TUFT1: variants seen among roughly 807,000 people sequenced by gnomAD.
The protein encoded by TUFT1 is tuftelin 1.
Under a neutral mutation model 57.8 loss-of-function variants are expected in TUFT1, and 43 were observed. That is an observed-to-expected ratio of 0.74 (90% CI 0.58 to 0.96). The LOEUF (loss-of-function observed/expected upper bound fraction) is 0.96. TUFT1 is among the 40% of genes least tolerant of loss of function. The pLI is 0.00. For synonymous variants in TUFT1, 166 were observed against 176.7 expected (o/e 0.94, Z 0.48); for missense variants, 459 against 489.0 (o/e 0.94, Z 0.58).
intron 1 of TUFT1, among the ~76,000 whole-genome samples, chr1:151,550,221 C>T (rs557808930): frequency 2.2e-4 from 34 of 151,784 alleles, no homozygotes; most frequent in African/African-American, 7.7e-4. Flanking sequence ...TTAGTAGAGA[C>T]GGGGTTTCAC....
intron 1 of TUFT1, among the ~76,000 whole-genome samples, chr1:151,554,699 T>C (rs1019791922): frequency 1.6e-5 from 2 of 125,950 alleles, no homozygotes; most frequent in Non-Finnish European, 1.7e-5. Context: ...GGCCCCCTTT[T>C]TTTTTTTTTT....
chr1:151,561,473 G>GCGCGCACACACACA (rs1265237275), intron 1 of TUFT1: 1 of 314,262 alleles, frequency 3.2e-6, no homozygotes, highest in African/African-American at 2.5e-5. Context: ...GCGCGCGCGC[G>GCGCGCACACACACA]CACACACACA....
intron 9 of TUFT1, 61 bp from the exon 10 acceptor site, chr1:151,578,660 T>C: frequency 2.1e-6 from 3 of 1,430,492 alleles, no homozygotes; most frequent in Non-Finnish European, 2.9e-6. Flanking sequence ...AGGCTCTTCC[T>C]GTGACTGGGT....
At position 151,566,246 on chromosome 1, in the gene TUFT1, C is replaced by T; in HGVS notation, c.480+18C>T. 1 of 1,606,128 alleles carries T rather than the reference C, an allele frequency of 6.2e-7. No homozygotes were observed. On this transcript the variant is annotated intron_variant, in intron 6 of 12. Coordinates refer to ENST00000368849, the MANE Select transcript of TUFT1 (RefSeq NM_020127.3). ...CACCTGAGGTAGGTAACAGAGGACA[C>T]CATGGTGGCTCCGCTTAGCCAGGGG...
At chr1:151,550,121 T>C (rs1665463713) in intron 1 of TUFT1, among the ~76,000 whole-genome samples, 1 of 152,150 alleles carries the variant, frequency 6.6e-6, no homozygotes, top group South Asian at 2.1e-4. Flanking sequence ...GGCCTCTGCC[T>C]CCCAGGTTCA....
At chr1:151,558,977 G>T (rs1286571538) in intron 1 of TUFT1, among the ~76,000 whole-genome samples, 6 of 151,972 alleles carry the variant, frequency 3.9e-5, no homozygotes, top group African/African-American at 1.5e-4. Flanking sequence ...TAGAGACGGG[G>T]TTTCACCATG....
rs538216210 is a variant in TUFT1 at position 151,545,139 on chromosome 1, C to T, written c.60+4713C>T. ...CAGCCTGACCAACATGGCAAAACCC[C>T]ATCTCTACTAAAAATACAAAATTAG... On this transcript the variant is annotated intron_variant, in intron 1 of 12. Transcript: ENST00000368849. 3.5e-3 allele frequency among the ~76,000 whole-genome samples: 535 copies of T among 152,086 alleles called. 5 individuals carry two copies. The highest frequency in any genetic ancestry group is 0.012 in the African/African-American group (510 of 41,470).
intron 6 of TUFT1, among the ~76,000 whole-genome samples, chr1:151,568,052 A>C (rs949658433): frequency 6.6e-6 from 1 of 152,204 alleles, no homozygotes; most frequent in African/African-American, 2.4e-5. Flanking sequence ...ATGTGAATAC[A>C]TTGTACAGTA....
intron 1 of TUFT1, among the ~76,000 whole-genome samples, chr1:151,548,316 T>C (rs1006509894): frequency 6.7e-6 from 1 of 150,060 alleles, no homozygotes; most frequent in African/African-American, 2.4e-5. Context: ...TTTTTTTTTT[T>C]TTTTTGAGAC....
At chr1:151,548,305 CTTTTTTT>C (rs11435666) in intron 1 of TUFT1, among the ~76,000 whole-genome samples, 74 of 130,560 alleles carry the variant, frequency 5.7e-4, no homozygotes, top group African/African-American at 2.1e-3. Flanking sequence ...TTTTTCTTTT[CTTTTTTT>C]TTTTTTTTTG....
Position 151,540,365 on chromosome 1 carries a change from A to G in TUFT1, c.-2A>G, listed in dbSNP as rs2102509784. The G allele has an allele frequency of 6.2e-7, 1 of 1,614,134 alleles. No individual in the cohort carries two copies. Among genetic ancestry groups the G allele is most frequent in the Non-Finnish European group, 8.5e-7 (1 of 1,179,980 alleles). ...GCGTGTGTGCTGCGACCCCGAGGGAAGATGAACGGGACGCGGAACTGGTGT... is the reference window on the plus strand; with the variant it reads ...GCGTGTGTGCTGCGACCCCGAGGGAGGATGAACGGGACGCGGAACTGGTGT... On this transcript the variant is annotated 5_prime_UTR_variant, in exon 1 of 13. Transcript: ENST00000368849.
At chr1:151,561,800 C>T in intron 1 of TUFT1, 1 of 1,408,390 alleles carries the variant, frequency 7.1e-7, no homozygotes, top group Non-Finnish European at 9.4e-7. Flanking sequence ...GCAATGTGTT[C>T]CCTGTAGTCC....
At position 151,544,177 on chromosome 1, in the gene TUFT1, C is replaced by T. The variant is rs115164681; in HGVS notation, c.60+3751C>T. On this transcript the variant is annotated intron_variant, in intron 1 of 12. Transcript: ENST00000368849. ...TTCATTTTTCGTAGATATGGGTTCT[C>T]ACTATGTTGCCCAGGCTAGTCTTGA... Among the ~76,000 whole-genome samples, 1,501 of 152,114 alleles carry T rather than the reference C, an allele frequency of 9.9e-3. 34 individuals are homozygous for T. The highest frequency in any genetic ancestry group is 0.035 in the African/African-American group (1,450 of 41,482).
intron 1 of TUFT1, among the ~76,000 whole-genome samples, chr1:151,553,508 G>A (rs1454167990): frequency 6.6e-6 from 1 of 152,210 alleles, no homozygotes; most frequent in Admixed American, 6.5e-5. Context: ...ACCTTGAGAA[G>A]AGGGATTCTA....
intron 4 of TUFT1, 106 bp downstream of exon 4, chr1:151,564,096 CT>C: frequency 4.6e-6 from 4 of 874,652 alleles, no homozygotes; most frequent in Non-Finnish European, 7.1e-6. Flanking sequence ...CTTCTTTTTC[CT>C]TTATGTCTCT....
At chr1:151,543,984 CTT>C (rs10718036) in intron 1 of TUFT1, among the ~76,000 whole-genome samples, 418 of 116,966 alleles carry the variant, frequency 3.6e-3, no homozygotes, top group Middle Eastern at 0.019. Flanking sequence ...CTTTAAATCA[CTT>C]TTTTTTTTTT....
At chr1:151,557,284 T>A (rs1665732421) in intron 1 of TUFT1, among the ~76,000 whole-genome samples, 1 of 152,080 alleles carries the variant, frequency 6.6e-6, no homozygotes, top group Admixed American at 6.5e-5. Flanking sequence ...TTTATGATAC[T>A]AAATATTTAA....
chr1:151,581,531 C>T (rs910542675), intron 12 of TUFT1, 113 bp from the exon 13 acceptor site: 7 of 980,662 alleles, frequency 7.1e-6, no homozygotes, highest in Non-Finnish European at 9.5e-6. Context: ...GATCAGCCAG[C>T]ACTGCAGTGT....
chr1:151,572,060 G>T (rs1002860585), intron 7 of TUFT1, among the ~76,000 whole-genome samples: 1 of 152,054 alleles, frequency 6.6e-6, no homozygotes, highest in Non-Finnish European at 1.5e-5. Flanking sequence ...AATTAGCCTG[G>T]TGTGGTGGAG....
Sources: gnomAD v4.1 joint callset for allele counts (sites outside exome capture counted in the v4.1 genomes callset) on GRCh38, gnomAD v4.1.1 for gene constraint, MANE v1.5 for transcripts, NCBI Gene and HGNC (gene_info 2026-07-23, HGNC 2026-07-21) for gene names.